The following TPPP variants were observed in gnomAD, a reference collection of about 807,000 sequenced individuals.
TPPP encodes the protein tubulin polymerization-promoting protein.
Under a neutral mutation model 15.5 loss-of-function variants are expected in TPPP, and 6 were observed. The ratio of observed to expected loss-of-function variants is 0.39; its 90% CI spans 0.21 to 0.77. The LOEUF (loss-of-function observed/expected upper bound fraction) is 0.77. Among genes scored for constraint, TPPP ranks in the 30% least tolerant of loss-of-function variants. The pLI, the probability that TPPP is intolerant of heterozygous loss-of-function variation, is 0.42. For missense variants in TPPP, 269 were observed against 307.2 expected (o/e 0.88, Z 0.93); for synonymous variants, 146 against 133.9 (o/e 1.09, Z -0.63).
intron 2 of TPPP, chr5:676,237 CT>C (rs1320715413): frequency 2.6e-5 from 4 of 152,304 alleles, no homozygotes; most frequent in Non-Finnish European, 4.4e-5. Flanking sequence ...CAACAGGAAG[CT>C]CAGCAGGACA....
chr5:665,732 C>T (rs1739872774), intron 3 of TPPP, among the ~76,000 whole-genome samples: 1 of 136,116 alleles, frequency 7.3e-6, no homozygotes, highest in Non-Finnish European at 1.6e-5. Flanking sequence ...CATGCCCTTC[C>T]TGACCACGCC....
chr5:699,781 CAAAGGATATG>C, the TPPP span, among the ~76,000 whole-genome samples: 11 of 151,104 alleles, frequency 7.3e-5, no homozygotes, highest in African/African-American at 2.7e-4. Context: ...AAAAAGTGGG[CAAAGGATATG>C]AACAGCCATT....
intron 1 of TPPP, among the ~76,000 whole-genome samples, chr5:686,686 A>C (rs1421926314): frequency 1.4e-5 from 2 of 146,772 alleles, no homozygotes; most frequent in Admixed American, 6.8e-5. Flanking sequence ...CCCTAAATCC[A>C]ATGGTGAGTG....
intron 2 of TPPP, among the ~76,000 whole-genome samples, chr5:674,085 G>A (rs1740320057): frequency 6.6e-6 from 1 of 152,254 alleles, no homozygotes; most frequent in South Asian, 2.1e-4. Flanking sequence ...GGCCCTGCAG[G>A]GCTGACGGCC....
intron 1 of TPPP, among the ~76,000 whole-genome samples, chr5:680,283 G>A (rs879766871): frequency 0.01 from 1,019 of 100,546 alleles, 1 homozygote; most frequent in Middle Eastern, 0.043. Flanking sequence ...CAGGGGTCAG[G>A]CCATCGCCGG....
rs568167068 is a variant in TPPP at position 692,970 on chromosome 5, G to A, written c.-5+308C>T. ...AGGGGCGTCCGTGGCCGCGAAGAAAGGCCAAAGCGCCAGGCACAGGGCCCG... is the reference window on the plus strand; with the variant it reads ...AGGGGCGTCCGTGGCCGCGAAGAAAAGCCAAAGCGCCAGGCACAGGGCCCG... On this transcript the variant is annotated intron_variant, in intron 1 of 3. Transcript: ENST00000360578. 129 of 747,236 alleles carry A rather than the reference G, an allele frequency of 1.7e-4. 1 individual carries two copies. In the African/African-American group the frequency reaches 2.2e-3, roughly 13 times the overall value. The allele number at this position is 747,236 out of a possible 1,614,324, so 46.3% of individuals were successfully genotyped here. A position where few individuals can be genotyped will look rare whatever the true frequency, so the allele number is the denominator to read the frequency against.
chr5:677,261 C>T (rs1476137067), intron 2 of TPPP, among the ~76,000 whole-genome samples: 1 of 152,220 alleles, frequency 6.6e-6, no homozygotes, highest in Non-Finnish European at 1.5e-5. Context: ...GGGACACAAG[C>T]ATCCAACCTC....
chr5:685,048 G>A (rs890886051), intron 1 of TPPP, among the ~76,000 whole-genome samples: 1 of 152,166 alleles, frequency 6.6e-6, no homozygotes, highest in Non-Finnish European at 1.5e-5. Context: ...AAAGGTCACG[G>A]TCCTGAGAGG....
At chr5:688,632 G>A (rs1579200443) in intron 1 of TPPP, among the ~76,000 whole-genome samples, 1 of 150,544 alleles carries the variant, frequency 6.6e-6, no homozygotes, top group Non-Finnish European at 1.5e-5. Flanking sequence ...CTCCCAGCAG[G>A]CGGCCTGGGG....
intron 2 of TPPP, among the ~76,000 whole-genome samples, chr5:671,169 C>T (rs1174770930): frequency 6.6e-6 from 1 of 151,850 alleles, no homozygotes; most frequent in Non-Finnish European, 1.5e-5. Flanking sequence ...GATCAGCGCA[C>T]TGTCTCCCTC....
chr5:674,257 G>A (rs1336034685), intron 2 of TPPP, among the ~76,000 whole-genome samples: 2 of 152,210 alleles, frequency 1.3e-5, no homozygotes, highest in Non-Finnish European at 2.9e-5. Flanking sequence ...GTGTCCACAC[G>A]CCCGAGCCTG....
At chr5:677,700 G>T in intron 2 of TPPP, 50 bp downstream of exon 2, 4 of 1,485,602 alleles carry the variant, frequency 2.7e-6, no homozygotes, top group Non-Finnish European at 3.6e-6. Context: ...GCTCAGGGCC[G>T]CAGACCCCCG....
At chr5:666,440 C>G (rs1387747080) in intron 2 of TPPP, among the ~76,000 whole-genome samples, 1 of 152,254 alleles carries the variant, frequency 6.6e-6, no homozygotes, top group Non-Finnish European at 1.5e-5. Context: ...GGGGCCACCA[C>G]AGCCCCGCCC....
rs904317436 is a variant in TPPP, at chr5:686,039, C to T, written c.-5+7239G>A. ...CCGGACTCTGCAAAGGACGCTGTGG[C>T]GGAGACTGATACGGGTCTGAGATGG... On this transcript the variant is annotated intron_variant, in intron 1 of 3. Transcript: ENST00000360578. Among the ~76,000 whole-genome samples, 32 of 152,148 alleles carry T rather than the reference C, an allele frequency of 2.1e-4. 1 individual carries two copies. Among genetic ancestry groups the T allele is most frequent in the Non-Finnish European group, 1.0e-4 (7 of 68,020 alleles).
chr5:665,096 CG>C lies in TPPP; in HGVS notation c.*5del. 2.5e-6 allele frequency: 4 copies of C among 1,607,566 alleles called. No individual in the cohort carries two copies. Among genetic ancestry groups the C allele is most frequent in the Non-Finnish European group, 3.4e-6 (4 of 1,179,312 alleles). On this transcript the variant is annotated 3_prime_UTR_variant, in exon 4 of 4. Transcript: ENST00000360578. ...ACCGGCAGTGCCGCGAGGCATGGAG[CG>C]GGGGCTACTTGCCCCCTTGCACCTT...
upstream of TPPP, among the ~76,000 whole-genome samples, chr5:697,065 T>C (rs1741026676): frequency 6.8e-6 from 1 of 146,540 alleles, no homozygotes; most frequent in Non-Finnish European, 1.5e-5. Context: ...TGTTTGCACC[T>C]GTGTGTGTGC....
rs1739689928 is a variant in TPPP at position 662,775 on chromosome 5, CCT to C, written c.*2325_*2326del. The C allele has an allele frequency of 6.6e-6, 1 of 152,494 alleles. No homozygotes were observed. The highest frequency in any genetic ancestry group is 2.4e-5 in the African/African-American group (1 of 41,464). 9.4% of individuals were successfully genotyped at this position (152,494 alleles called of 1,614,324 possible). On this transcript the variant is annotated 3_prime_UTR_variant, in exon 4 of 4. Transcript: ENST00000360578. ...CAGGCTTCGGGACCTGGGGAGCCAC[CCT>C]GTTTGGTGACCACTCGTCCTCGGCC... is the stretch of plus-strand genomic sequence containing the variant.
chr5:684,504 A>C (rs1740714641), intron 1 of TPPP, among the ~76,000 whole-genome samples: 1 of 152,044 alleles, frequency 6.6e-6, no homozygotes, highest in Non-Finnish European at 1.5e-5. Context: ...GAAGCCCCAG[A>C]AGCAAAAGCC....
chr5:685,058 G>A (rs1703243007), intron 1 of TPPP, among the ~76,000 whole-genome samples: 2 of 152,138 alleles, frequency 1.3e-5, no homozygotes, highest in Admixed American at 1.3e-4. Flanking sequence ...GTCCTGAGAG[G>A]TCACCATCCT....
Sources: gnomAD v4.1 joint callset for allele counts (sites outside exome capture counted in the v4.1 genomes callset) on GRCh38, gnomAD v4.1.1 for gene constraint, MANE v1.5 for transcripts, NCBI Gene and HGNC (gene_info 2026-07-23, HGNC 2026-07-21) for gene names.